Variants in ACACA observed in about 807,000 individuals in gnomAD.
The protein encoded by ACACA is acetyl-CoA carboxylase 1.
A neutral mutation model predicts 296.1 loss-of-function variants in ACACA; 103 were observed. That is an observed-to-expected ratio of 0.35 (90% CI 0.30 to 0.41). ACACA has a LOEUF of 0.41. Among genes scored for constraint, ACACA ranks in the 10% least tolerant of loss-of-function variants. The pLI is 1.00. For missense variants in ACACA, 1,554 were observed against 2,989.7 expected (o/e 0.52, Z 11.20); for synonymous variants, 953 against 1,038.6 (o/e 0.92, Z 1.58).
chr17:37,173,954 C>T (rs1240239935), intron 41 of ACACA, among the ~76,000 whole-genome samples: 1 of 127,472 alleles, frequency 7.8e-6, no homozygotes, highest in East Asian at 2.2e-4. Context: ...GCTGGGATTA[C>T]AGGCGCCTGC....
chr17:37,088,373 A>G (rs2072368466), intron 55 of ACACA, among the ~76,000 whole-genome samples: 1 of 152,230 alleles, frequency 6.6e-6, no homozygotes, highest in Non-Finnish European at 1.5e-5. Flanking sequence ...GGGCAGGCAC[A>G]CTCATAAGTG....
intron 45 of ACACA, among the ~76,000 whole-genome samples, chr17:37,130,977 C>T (rs1028233427): frequency 3.3e-5 from 5 of 151,086 alleles, no homozygotes; most frequent in African/African-American, 1.2e-4. Context: ...ACTTTTGCAC[C>T]AGCCTAACAC....
At chr17:37,293,312 C>A (rs1258960779) in intron 3 of ACACA, among the ~76,000 whole-genome samples, 1 of 152,164 alleles carries the variant, frequency 6.6e-6, no homozygotes, top group East Asian at 1.9e-4. Flanking sequence ...ACAACACTTT[C>A]TGGCACATTT....
At chr17:37,246,045 C>T (rs1327835586) in intron 19 of ACACA, among the ~76,000 whole-genome samples, 1 of 152,098 alleles carries the variant, frequency 6.6e-6, no homozygotes, top group Non-Finnish European at 1.5e-5. Context: ...ACTTTAAGCA[C>T]TCTTCCCTGC....
At chr17:37,296,255 C>T (rs2083320130) in intron 3 of ACACA, among the ~76,000 whole-genome samples, 1 of 149,570 alleles carries the variant, frequency 6.7e-6, no homozygotes, top group African/African-American at 2.5e-5. Context: ...GCATGATTCT[C>T]ATTGTGTCCT....
intron 27 of ACACA, 52 bp from the exon 28 acceptor site, chr17:37,223,653 C>A: frequency 7.7e-7 from 1 of 1,298,436 alleles, no homozygotes; most frequent in South Asian, 1.2e-5. Flanking sequence ...AGAACAATTT[C>A]AATGGACACT....
chr17:37,097,762 T>C lies in ACACA; in HGVS notation c.6720+68A>G. On this transcript the variant is annotated intron_variant, in intron 53 of 55. Transcript: ENST00000616317. The surrounding 1 kb of genome is among the most constrained non-coding windows in gnomAD (Gnocchi z 4.8). Reference sequence around the variant, plus strand: ...TCATAGCTCCCTGCTTATGAGCCTGTGTGCAACACACACACACACTTGCCC... The same window carrying C: ...TCATAGCTCCCTGCTTATGAGCCTGCGTGCAACACACACACACACTTGCCC... 6.3e-7 allele frequency: 1 copy of C among 1,590,770 alleles called. No individual in the cohort carries two copies. Among genetic ancestry groups the C allele is most frequent in the Non-Finnish European group, 8.6e-7 (1 of 1,161,166 alleles).
intron 43 of ACACA, among the ~76,000 whole-genome samples, chr17:37,152,170 T>C (rs2144169132): frequency 6.6e-6 from 1 of 152,210 alleles, no homozygotes; most frequent in East Asian, 1.9e-4. Context: ...TTCTACAAAA[T>C]GGGAATAATA....
At chr17:37,404,684 C>G (rs867119818) in intron 1 of ACACA, among the ~76,000 whole-genome samples, 1 of 151,062 alleles carries the variant, frequency 6.6e-6, no homozygotes, top group African/African-American at 2.4e-5. Flanking sequence ...AAGTGATTCT[C>G]CTACCTCAGC....
At chr17:37,342,375 T>C (rs1453560866) in intron 1 of ACACA, among the ~76,000 whole-genome samples, 1 of 110,752 alleles carries the variant, frequency 9.0e-6, no homozygotes, top group Non-Finnish European at 1.7e-5. Flanking sequence ...ACCACTGCGC[T>C]CCAGGCTGTG....
At chr17:37,231,710 G>A (rs2079866673) in intron 25 of ACACA, among the ~76,000 whole-genome samples, 1 of 152,304 alleles carries the variant, frequency 6.6e-6, no homozygotes, top group East Asian at 1.9e-4. Flanking sequence ...GTTACAAGTA[G>A]TGAGGGGAAG....
chr17:37,109,562 C>T (rs950340739), intron 52 of ACACA, among the ~76,000 whole-genome samples: 11 of 152,158 alleles, frequency 7.2e-5, no homozygotes, highest in African/African-American at 2.7e-4. Flanking sequence ...TTTTCAAGTG[C>T]CATTTTGGTC....
At chr17:37,170,220 A>C (rs2076833750) in intron 41 of ACACA, among the ~76,000 whole-genome samples, 1 of 152,108 alleles carries the variant, frequency 6.6e-6, no homozygotes, top group African/African-American at 2.4e-5. Context: ...GGATAAGCAG[A>C]AATAAATATT....
intron 3 of ACACA, among the ~76,000 whole-genome samples, chr17:37,290,116 C>T (rs956902867): frequency 6.6e-6 from 1 of 152,076 alleles, no homozygotes; most frequent in African/African-American, 2.4e-5. Flanking sequence ...GGTCCAATCT[C>T]GGCTTATTGC....
intron 35 of ACACA, among the ~76,000 whole-genome samples, chr17:37,197,328 G>C (rs1447450321): frequency 2.6e-5 from 4 of 152,160 alleles, no homozygotes; most frequent in Non-Finnish European, 5.9e-5. Flanking sequence ...TAACAGCACA[G>C]CTTGCTTTAT....
At chr17:37,153,098 T>G (rs182083136) in intron 43 of ACACA, among the ~76,000 whole-genome samples, 1 of 152,240 alleles carries the variant, frequency 6.6e-6, no homozygotes, top group African/African-American at 2.4e-5. Context: ...TAATTGTATA[T>G]GTGTTTGTGT....
At chr17:37,208,704 C>T (rs570316157) in intron 30 of ACACA, among the ~76,000 whole-genome samples, 1 of 152,238 alleles carries the variant, frequency 6.6e-6, no homozygotes, top group East Asian at 1.9e-4. Context: ...TCTTGATGTA[C>T]CTTAACAGTA....
intron 1 of ACACA, among the ~76,000 whole-genome samples, chr17:37,372,876 ATT>A (rs57452316): frequency 4.9e-5 from 7 of 143,740 alleles, no homozygotes; most frequent in Non-Finnish European, 6.1e-5. Context: ...CTACACTTGG[ATT>A]TTTTTTTTTT....
Position 37,086,954 on chromosome 17 carries a change from C to T in ACACA, c.*362G>A. 2.8e-6 allele frequency: 1 copy of T among 358,290 alleles called. No homozygotes were observed. The highest frequency in any genetic ancestry group is 6.7e-5 in the East Asian group (1 of 14,872). The allele number at this position is 358,290 out of a possible 1,614,324, so 22.2% of individuals were successfully genotyped here. ...CACTGCTGGGCAACTCCTCACGCTTCCCCATGCTGGGAGGCCAAGGGGCTG... is the reference window on the plus strand; with the variant it reads ...CACTGCTGGGCAACTCCTCACGCTTTCCCATGCTGGGAGGCCAAGGGGCTG... On this transcript the variant is annotated 3_prime_UTR_variant, in exon 56 of 56. Transcript: ENST00000616317.
Sources: allele counts gnomAD v4.1 joint callset (sites outside exome capture counted in the v4.1 genomes callset), GRCh38; gene constraint gnomAD v4.1.1; non-coding constraint Gnocchi (gnomAD v3.1); transcripts MANE v1.5; gene names NCBI Gene and HGNC (gene_info 2026-07-23, HGNC 2026-07-21).